Variants in ASRGL1 observed in about 807,000 individuals in gnomAD.
ASRGL1 encodes isoaspartyl peptidase/L-asparaginase.
ASRGL1 carries 16 observed loss-of-function variants against 22.4 expected under a neutral mutation model. That is an observed-to-expected ratio of 0.71 (90% CI 0.48 to 1.08). The LOEUF is 1.08. Among genes scored for constraint, ASRGL1 ranks in the 50% least tolerant of loss-of-function variants. ASRGL1 has a pLI of 0.00. For missense variants in ASRGL1, 412 were observed against 410.1 expected, an observed-to-expected ratio of 1.00 and a Z score of -0.04; for synonymous variants, 165 against 159.3, an observed-to-expected ratio of 1.04 and a Z score of -0.27.
At position 62,389,133 on chromosome 11, in the gene ASRGL1, A is replaced by G. The variant is rs749560188; in HGVS notation, c.492A>G (p.Lys164=). The change falls in exon 5 of 7, where the codon AAA becomes AAG. Residue 164 remains lysine, a splice_region_variant and synonymous_variant. Transcript: ENST00000415229. ...EKGAQKTDCQ[K]NLGTVGAVAL... ...CTTTTTTTCTGTTTATTTTTGGCAG[A>G]AACTTGGGAACCGTGGGTGCTGTTG... is the stretch of plus-strand genomic sequence containing the variant. The G allele has an allele frequency of 1.2e-6, 2 of 1,605,298 alleles. No individual in the cohort carries two copies. The highest frequency in any genetic ancestry group is 1.7e-6 in the Non-Finnish European group (2 of 1,173,254).
At chr11:62,352,304 G>A (rs1946185685) in intron 2 of ASRGL1, among the ~76,000 whole-genome samples, 1 of 152,200 alleles carries the variant, frequency 6.6e-6, no homozygotes, top group South Asian at 2.1e-4. Context: ...GAAGCCTCAA[G>A]GCTGGGCACG....
Position 62,389,134 on chromosome 11 carries a change from A to C in ASRGL1, c.493A>C (p.Asn165His). ...KGAQKTDCQK[N>H]LGTVGAVALD... ...TTTTTTTCTGTTTATTTTTGGCAGA[A>C]ACTTGGGAACCGTGGGTGCTGTTGC... The change falls in exon 5 of 7, where the codon AAC (asparagine) becomes CAC (histidine). Residue 165 changes from asparagine to histidine, a missense_variant and splice_region_variant. Physicochemically the swap from Asn to His is moderately conservative, Grantham distance 68. Coordinates refer to ENST00000415229, the MANE Select transcript of ASRGL1 (RefSeq NM_001083926.2). The C allele has an allele frequency of 6.2e-7, 1 of 1,605,586 alleles. No individual in the cohort carries two copies. Among genetic ancestry groups the C allele is most frequent in the Non-Finnish European group, 8.5e-7 (1 of 1,173,398 alleles).
chr11:62,367,472 C>T (rs1946640003), intron 4 of ASRGL1, among the ~76,000 whole-genome samples: 1 of 151,408 alleles, frequency 6.6e-6, no homozygotes, highest in Non-Finnish European at 1.5e-5. Context: ...TGGTGAAACC[C>T]TGTCTCTACT....
chr11:62,356,446 T>G lies in ASRGL1; in HGVS notation c.312T>G (p.Leu104=), dbSNP rs1370589132. The G allele has an allele frequency of 6.2e-7, 1 of 1,614,194 alleles. No individual in the cohort carries two copies. Among genetic ancestry groups the G allele is most frequent in the South Asian group, 1.1e-5 (1 of 91,084 alleles). ...AGTGTATAGCAAATCCCATTAAACT[T>G]GCTCGGCTTGTCATGGAAAAGGTAT... ...AVQCIANPIK[L]ARLVMEKTPH... Residue 104 remains leucine (L), a synonymous_variant, in exon 3 of 7, where the codon CTT becomes CTG. Coordinates refer to ENST00000415229, the MANE Select transcript of ASRGL1 (RefSeq NM_001083926.2).
chr11:62,368,139 C>T (rs1240385659), intron 4 of ASRGL1, among the ~76,000 whole-genome samples: 2 of 152,146 alleles, frequency 1.3e-5, no homozygotes, highest in South Asian at 2.1e-4. Context: ...ACCACATTCA[C>T]ATAACTTTTA....
Position 62,348,235 on chromosome 11 carries a change from G to A in ASRGL1, c.191-8090G>A, listed in dbSNP as rs563887412. Among the ~76,000 whole-genome samples, 7 of 152,276 alleles carry A rather than the reference G, an allele frequency of 4.6e-5. No homozygotes were observed. The South Asian group carries it at 1.5e-3, about 32-fold the overall frequency. ...GCCTGCTACACAAATAAAGATCGTG[G>A]CATTGTAGTAAGGAAAAAATTTAAT... is the stretch of plus-strand genomic sequence containing the variant. On this transcript the variant is annotated intron_variant, in intron 2 of 6. Transcript: ENST00000415229.
At chr11:62,361,687 C>G (rs1008941139) in intron 4 of ASRGL1, among the ~76,000 whole-genome samples, 1 of 151,898 alleles carries the variant, frequency 6.6e-6, no homozygotes, top group South Asian at 2.1e-4. Context: ...GGGGTTTCAC[C>G]ATGTTGGCCA....
chr11:62,340,852 A>G (rs1428241155), intron 2 of ASRGL1, among the ~76,000 whole-genome samples: 2 of 152,188 alleles, frequency 1.3e-5, no homozygotes, highest in Non-Finnish European at 2.9e-5. Flanking sequence ...CTTCATACAA[A>G]AAGCTGACTC....
At chr11:62,385,380 C>T (rs1343746162) in intron 4 of ASRGL1, among the ~76,000 whole-genome samples, 2 of 151,882 alleles carry the variant, frequency 1.3e-5, no homozygotes, top group South Asian at 2.1e-4. Context: ...CTATGTTGCT[C>T]AGGCTGGCCT....
intron 4 of ASRGL1, among the ~76,000 whole-genome samples, chr11:62,373,360 C>T (rs551135020): frequency 6.6e-6 from 1 of 152,094 alleles, no homozygotes; most frequent in Non-Finnish European, 1.5e-5. Context: ...TTTCTGTTTG[C>T]TTTCCAAAGA....
the ASRGL1 span, among the ~76,000 whole-genome samples, chr11:62,398,805 T>G: frequency 1.3e-5 from 2 of 152,202 alleles, no homozygotes; most frequent in Admixed American, 1.3e-4. Flanking sequence ...GGCACAAATA[T>G]CACACCCTGG....
intron 4 of ASRGL1, among the ~76,000 whole-genome samples, chr11:62,366,221 G>C (rs1244067380): frequency 7.3e-6 from 1 of 136,730 alleles, no homozygotes; most frequent in Admixed American, 7.4e-5. Flanking sequence ...GAGATCACAC[G>C]ACTGCACTCC....
intron 4 of ASRGL1, among the ~76,000 whole-genome samples, chr11:62,373,919 C>A (rs545980964): frequency 6.6e-6 from 1 of 152,318 alleles, no homozygotes; most frequent in South Asian, 2.1e-4. Context: ...AAGGTGGGAA[C>A]ATTTGTATCA....
At chr11:62,342,071 C>G (rs761517983) in intron 2 of ASRGL1, among the ~76,000 whole-genome samples, 1 of 151,410 alleles carries the variant, frequency 6.6e-6, no homozygotes, top group Non-Finnish European at 1.5e-5. Context: ...TTATTTATAA[C>G]CTGACGCATT....
chr11:62,398,625 C>T, the ASRGL1 span, among the ~76,000 whole-genome samples: 1 of 152,154 alleles, frequency 6.6e-6, no homozygotes, highest in Admixed American at 6.5e-5. Flanking sequence ...AAGGCCAGTT[C>T]CCCTCCTCCT....
chr11:62,377,294 G>C (rs1277846327), intron 4 of ASRGL1, among the ~76,000 whole-genome samples: 4 of 152,148 alleles, frequency 2.6e-5, no homozygotes, highest in African/African-American at 9.7e-5. Context: ...ACAGTTTGTT[G>C]TAATAAATTG....
chr11:62,346,508 A>G (rs1946026581), intron 2 of ASRGL1, among the ~76,000 whole-genome samples: 1 of 152,194 alleles, frequency 6.6e-6, no homozygotes, highest in Non-Finnish European at 1.5e-5. Context: ...TCATGCCAAC[A>G]TCATTTCATG....
intron 4 of ASRGL1, among the ~76,000 whole-genome samples, chr11:62,384,656 C>T (rs1004887597): frequency 4.1e-5 from 6 of 148,122 alleles, no homozygotes; most frequent in African/African-American, 1.5e-4. Context: ...TGGCTTATGC[C>T]TGTAATCCTA....
rs2134706584 is a variant in ASRGL1, at chr11:62,391,642, C to A, written c.721+10C>A. Reference sequence around the variant, plus strand: ...TTCCACATAGAACAAGGTACACAGACCACAGGACAAGTAAAATAATTTGTG... The same window carrying A: ...TTCCACATAGAACAAGGTACACAGAACACAGGACAAGTAAAATAATTTGTG... On this transcript the variant is annotated intron_variant, in intron 6 of 6. Transcript: ENST00000415229. 3.8e-6 allele frequency: 6 copies of A among 1,595,842 alleles called. No individual in the cohort carries two copies. Among genetic ancestry groups the A allele is most frequent in the Non-Finnish European group, 5.1e-6 (6 of 1,171,246 alleles).
Sources: allele counts gnomAD v4.1 joint callset (sites outside exome capture counted in the v4.1 genomes callset), GRCh38; gene constraint gnomAD v4.1.1; transcripts MANE v1.5; gene names NCBI Gene and HGNC (gene_info 2026-07-23, HGNC 2026-07-21).